Variants in NAV3 observed in about 807,000 individuals in gnomAD.
The protein encoded by NAV3 is neuron navigator 3.
A neutral mutation model predicts 244.7 loss-of-function variants in NAV3; 87 were observed. That is an observed-to-expected ratio of 0.36 (90% CI 0.30 to 0.42). NAV3 has a LOEUF of 0.42. Among genes scored for constraint, NAV3 ranks in the 20% least tolerant of loss-of-function variants. The pLI, the probability that NAV3 is intolerant of heterozygous loss-of-function variation, is 1.00. For synonymous variants in NAV3, 1,126 were observed against 1,042.2 expected (o/e 1.08, Z -1.55); for missense variants, 2,663 against 2,893.3 (o/e 0.92, Z 1.83).
At chr12:78,210,316 G>T (rs551464488) in intron 39 of NAV3, 82 bp from the exon 40 acceptor site, 1 of 1,581,264 alleles carries the variant, frequency 6.3e-7, no homozygotes, top group East Asian at 2.2e-5. Context: ...TAGCTCTTCG[G>T]TGTGGCTCAG....
At chr12:77,917,409 A>G (rs1285946005) in intron 1 of NAV3, among the ~76,000 whole-genome samples, 1 of 152,050 alleles carries the variant, frequency 6.6e-6, no homozygotes, top group African/African-American at 2.4e-5. Flanking sequence ...AACTTTTAAA[A>G]AACACCATGT....
chr12:77,927,209 C>T (rs925036698), intron 1 of NAV3, among the ~76,000 whole-genome samples: 4 of 152,162 alleles, frequency 2.6e-5, no homozygotes, highest in Non-Finnish European at 5.9e-5. Flanking sequence ...AATATTGTCA[C>T]CAGCATTATT....
intron 2 of NAV3, among the ~76,000 whole-genome samples, chr12:77,576,113 C>T (rs556941504): frequency 6.6e-6 from 1 of 152,200 alleles, no homozygotes; most frequent in East Asian, 1.9e-4. Flanking sequence ...CAACACATCA[C>T]ATCTGTCCTT....
chr12:78,105,224 TTTA>T (rs1954742708), intron 12 of NAV3, among the ~76,000 whole-genome samples: 1 of 152,106 alleles, frequency 6.6e-6, no homozygotes, highest in Non-Finnish European at 1.5e-5. Flanking sequence ...TTATTAGCAT[TTTA>T]TTATTGTGGT....
At chr12:77,903,629 C>A (rs904151871) in intron 1 of NAV3, among the ~76,000 whole-genome samples, 5 of 152,050 alleles carry the variant, frequency 3.3e-5, no homozygotes, top group African/African-American at 1.2e-4. Flanking sequence ...GCAACAAAAG[C>A]CAAAATTGAC....
At chr12:77,949,614 C>G (rs888532487) in intron 3 of NAV3, among the ~76,000 whole-genome samples, 1 of 151,832 alleles carries the variant, frequency 6.6e-6, no homozygotes, top group African/African-American at 2.4e-5. Context: ...ACCCCTTTCC[C>G]TCACACATGC....
chr12:78,164,281 T>G (rs1283231933), intron 23 of NAV3, among the ~76,000 whole-genome samples: 1 of 152,062 alleles, frequency 6.6e-6, no homozygotes. Flanking sequence ...GGCAGAGAAG[T>G]AGCCCCTTGT....
rs79773458 is a variant in NAV3 at position 77,582,915 on chromosome 12, C to A, written c.72+10649C>A. Among the ~76,000 whole-genome samples, 20 of 152,222 alleles carry A rather than the reference C, an allele frequency of 1.3e-4. No individual in the cohort carries two copies. In the East Asian group the frequency reaches 3.5e-3, roughly 26 times the overall value. On this transcript the variant is annotated intron_variant, in intron 2 of 8. Coordinates refer to the NAV3 transcript ENST00000550042. ...ATATTAAATAAAATACATATGTGACCATTTAAGTGCCTAATTTACAGCACT... is the reference window on the plus strand; with the variant it reads ...ATATTAAATAAAATACATATGTGACAATTTAAGTGCCTAATTTACAGCACT...
intron 8 of NAV3, among the ~76,000 whole-genome samples, chr12:78,008,138 TC>T (rs757927870): frequency 5.9e-5 from 9 of 152,306 alleles, no homozygotes; most frequent in Non-Finnish European, 1.2e-4. Context: ...TATATTAATT[TC>T]CCACAGCAAG....
intron 3 of NAV3, 29 bp from the exon 4 acceptor site, chr12:77,966,200 T>C: frequency 6.2e-7 from 1 of 1,600,380 alleles, no homozygotes; most frequent in Non-Finnish European, 8.6e-7. Context: ...ATCCTCTAAG[T>C]TGCTTTTTCA....
chr12:78,054,371 G>A (rs1883183809), intron 11 of NAV3, among the ~76,000 whole-genome samples: 1 of 152,042 alleles, frequency 6.6e-6, no homozygotes, highest in Non-Finnish European at 1.5e-5. Flanking sequence ...TTAGAGATAG[G>A]CACTATTTTG....
rs183438364 is a variant in NAV3 at position 77,709,023 on chromosome 12, T to C, written c.72+136757T>C. 4.7e-3 allele frequency among the ~76,000 whole-genome samples: 716 copies of C among 152,286 alleles called. 3 individuals carry two copies. Among genetic ancestry groups the C allele is most frequent in the African/African-American group, 0.016 (663 of 41,544 alleles). On this transcript the variant is annotated intron_variant, in intron 2 of 8. Transcript: ENST00000550042. ...ATCTGCAAACAGGGACAATTTGACT[T>C]CCTCTTTTCCTAAGTGAATACCCTT...
chr12:77,698,917 A>G (rs1344589141), intron 2 of NAV3, among the ~76,000 whole-genome samples: 1 of 152,154 alleles, frequency 6.6e-6, no homozygotes, highest in African/African-American at 2.4e-5. Flanking sequence ...TGTTTGTCCT[A>G]GAATACTTGT....
chr12:77,650,368 G>A (rs999062456), intron 2 of NAV3, among the ~76,000 whole-genome samples: 11 of 152,202 alleles, frequency 7.2e-5, no homozygotes, highest in Admixed American at 4.6e-4. Context: ...TATTTAAGCC[G>A]AATCTTGGTA....
chr12:78,093,054 T>C (rs1284135663), intron 12 of NAV3, among the ~76,000 whole-genome samples: 1 of 152,208 alleles, frequency 6.6e-6, no homozygotes, highest in African/African-American at 2.4e-5. Flanking sequence ...GATTTTGCTC[T>C]GTTCATCTTT....
chr12:78,137,541 G>T (rs1275821354), intron 19 of NAV3, among the ~76,000 whole-genome samples, 176 bp downstream of exon 19: 1 of 152,004 alleles, frequency 6.6e-6, no homozygotes, highest in Non-Finnish European at 1.5e-5. Context: ...ATTTCTTTAT[G>T]TATTTGGAAA....
Position 77,675,304 on chromosome 12 carries a change from C to T in NAV3, c.72+103038C>T, listed in dbSNP as rs1008116974. Among the ~76,000 whole-genome samples, 44 of 152,188 alleles carry T rather than the reference C, an allele frequency of 2.9e-4. 2 individuals are homozygous for T. The highest frequency in any genetic ancestry group is 7.2e-4 in the Admixed American group (11 of 15,290). On this transcript the variant is annotated intron_variant, in intron 2 of 8. Coordinates refer to the NAV3 transcript ENST00000550042. ...GAATTGGCTTACATGATTGTGGGGA[C>T]GGGCTAGGCAAGTCAACAGTTCTTA...
At position 77,960,448 on chromosome 12, in the gene NAV3, T is replaced by TACACAC. The variant is rs745583068; in HGVS notation, c.415-5780_415-5779insCACACA. 8.2e-4 allele frequency among the ~76,000 whole-genome samples: 71 copies of TACACAC among 86,772 alleles called. 1 individual carries two copies. The highest frequency in any genetic ancestry group is 5.9e-3 in the East Asian group (13 of 2,202). 56.9% of individuals were successfully genotyped at this position (86,772 alleles called of 152,430 possible). A position where few individuals can be genotyped will look rare whatever the true frequency, so the allele number is the denominator to read the frequency against. On this transcript the variant is annotated intron_variant, in intron 3 of 39. Transcript: ENST00000397909. ...CATTCTGGCCAGTCATATATATATATATACACACACACACACACACACATA... is the reference window on the plus strand; with the variant it reads ...CATTCTGGCCAGTCATATATATATATACACACATACACACACACACACACACACATA...
chr12:78,030,048 G>A (rs1456668084), intron 9 of NAV3, among the ~76,000 whole-genome samples: 13 of 152,102 alleles, frequency 8.5e-5, no homozygotes, highest in Admixed American at 7.2e-4. Context: ...TGTATAAGAT[G>A]CATATGAAAC....
Sources: allele counts gnomAD v4.1 joint callset (sites outside exome capture counted in the v4.1 genomes callset), GRCh38; gene constraint gnomAD v4.1.1; transcripts MANE v1.5; gene names NCBI Gene and HGNC (gene_info 2026-07-23, HGNC 2026-07-21).